PIAS4: variants seen among roughly 807,000 people sequenced by gnomAD.
PIAS4 encodes the protein protein inhibitor of activated STAT 4.
A neutral mutation model predicts 58.0 loss-of-function variants in PIAS4; 7 were observed. The ratio of observed to expected loss-of-function variants is 0.12; its 90% CI spans 0.07 to 0.23. The LOEUF (loss-of-function observed/expected upper bound fraction) is 0.23, where lower values mean the gene tolerates loss of function less well. PIAS4 is among the 10% of genes least tolerant of loss of function. The probability of loss-of-function intolerance (pLI) is 1.00; values close to 1 mark genes in which losing one functional copy is unlikely to be tolerated. For missense variants in PIAS4, 550 were observed against 709.5 expected, an observed-to-expected ratio of 0.78 and a Z score of 2.55; for synonymous variants, 364 against 312.4, an observed-to-expected ratio of 1.17 and a Z score of -1.74.
Position 4,013,421 on chromosome 19 carries a change from A to G in PIAS4, c.454+72A>G, listed in dbSNP as rs2040019421. Reference sequence around the variant, plus strand: ...CCCCGTCGCCCAGCCCAGCCCAGCCACACAGCCGACTTCGAGTGATGTTCT... The same window carrying G: ...CCCCGTCGCCCAGCCCAGCCCAGCCGCACAGCCGACTTCGAGTGATGTTCT... On this transcript the variant is annotated intron_variant, in intron 2 of 10. Coordinates refer to ENST00000262971, the MANE Select transcript of PIAS4 (RefSeq NM_015897.4). The surrounding 1 kb of genome is among the most constrained non-coding windows in gnomAD (Gnocchi z 5.1). 2 of 1,344,096 alleles carry G rather than the reference A, an allele frequency of 1.5e-6. No homozygotes were observed. Among genetic ancestry groups the G allele is most frequent in the Admixed American group, 1.9e-5 (1 of 53,444 alleles). 83.3% of individuals were successfully genotyped at this position (1,344,096 alleles called of 1,614,324 possible).
chr19:4,022,071 G>A (rs1418646011), intron 2 of PIAS4, among the ~76,000 whole-genome samples: 3 of 152,036 alleles, frequency 2.0e-5, no homozygotes, highest in African/African-American at 4.8e-5. Context: ...TTCAGAAAAG[G>A]TTTTAATTAT....
chr19:4,030,234 A>C (rs746577759), intron 7 of PIAS4, among the ~76,000 whole-genome samples: 1 of 143,876 alleles, frequency 7.0e-6, no homozygotes, highest in Non-Finnish European at 1.6e-5. Context: ...AAGTGCTGGG[A>C]TTACAGTCTT....
intron 7 of PIAS4, among the ~76,000 whole-genome samples, chr19:4,029,516 C>T (rs930040719): frequency 1.3e-4 from 19 of 151,760 alleles, no homozygotes; most frequent in African/African-American, 3.6e-4. Context: ...TCTGACCTCA[C>T]GTTGGTGAGG....
rs570081588 is a variant in PIAS4, at chr19:4,036,415, A to G, written c.1143-959A>G. On this transcript the variant is annotated intron_variant, in intron 9 of 10. Transcript: ENST00000262971. ...GTCTATACAGTCCACACTGTCACAC[A>G]TCCGTACAGTCCACACTGTCATACA... Among the ~76,000 whole-genome samples the G allele has an allele frequency of 3.2e-4, 45 of 141,072 alleles. 4 individuals are homozygous for G. The highest frequency in any genetic ancestry group is 2.1e-3 in the South Asian group (9 of 4,272). The allele number at this position is 141,072 out of a possible 152,430, so 92.5% of individuals were successfully genotyped here.
In PIAS4 at chr19:4,038,158, G is replaced by A. The variant is rs1389098427; in HGVS notation, c.*283G>A. ...CACCCACACAGCCGCCTCCCCGGCT[G>A]GAGTCCGAGCCGGGAAGGGGTAGTG... On this transcript the variant is annotated 3_prime_UTR_variant, in exon 11 of 11. Transcript: ENST00000262971. This position sits in a 1 kb window ranked among gnomAD's most constrained non-coding sequence, Gnocchi z 4.1. The A allele has an allele frequency of 1.8e-5, 7 of 387,882 alleles. No homozygotes were observed. Among genetic ancestry groups the A allele is most frequent in the Admixed American group, 9.3e-5 (2 of 21,542 alleles). The allele number at this position is 387,882 out of a possible 1,614,324, so 24.0% of individuals were successfully genotyped here.
In PIAS4 at chr19:4,037,730, C is replaced by T. The variant is rs1180472271; in HGVS notation, c.1388C>T (p.Ala463Val). The T allele has an allele frequency of 1.2e-6, 2 of 1,611,234 alleles. No individual in the cohort carries two copies. Among genetic ancestry groups the T allele is most frequent in the Admixed American group, 1.7e-5 (1 of 59,802 alleles). ...AGCATGGAGAATGGGAAGCCGGGCG[C>T]CGATGTGGTGGACCTCACGCTGGAC... ...VGSMENGKPG[A>V]DVVDLTLDSS... Residue 463 changes from alanine to valine, a missense_variant, in exon 11 of 11, where the codon GCC becomes GTC. Coordinates refer to ENST00000262971, the MANE Select transcript of PIAS4 (RefSeq NM_015897.4). The surrounding 1 kb of genome is among the most constrained non-coding windows in gnomAD (Gnocchi z 5.8).
intron 1 of PIAS4, among the ~76,000 whole-genome samples, chr19:4,010,895 G>A (rs1357680273): frequency 6.6e-6 from 1 of 152,348 alleles, no homozygotes. Flanking sequence ...GGGCTGGGCC[G>A]CCTGCACGTG....
chr19:4,015,359 C>T (rs1386555473), intron 2 of PIAS4, among the ~76,000 whole-genome samples: 1 of 152,128 alleles, frequency 6.6e-6, no homozygotes, highest in East Asian at 1.9e-4. Context: ...ATCGCTGTGC[C>T]CTGAGCCACC....
intron 3 of PIAS4, among the ~76,000 whole-genome samples, chr19:4,024,596 C>T (rs967427258): frequency 6.6e-6 from 1 of 152,200 alleles, no homozygotes; most frequent in African/African-American, 2.4e-5. Flanking sequence ...GATCCTCTGC[C>T]CTGCTGAGGT....
chr19:4,018,954 C>T (rs1279939358), intron 2 of PIAS4, among the ~76,000 whole-genome samples: 3 of 151,998 alleles, frequency 2.0e-5, no homozygotes, highest in Non-Finnish European at 2.9e-5. Flanking sequence ...GTGTGTGCGC[C>T]GGGGTGTGTG....
chr19:4,029,811 A>ATT (rs1172132330), intron 7 of PIAS4, among the ~76,000 whole-genome samples: 10 of 55,040 alleles, frequency 1.8e-4, no homozygotes, highest in African/African-American at 2.1e-4. Context: ...CACCCAACTA[A>ATT]TTTTTTTTTT....
chr19:4,028,388 C>G (rs902633299), intron 4 of PIAS4, 122 bp from the exon 5 acceptor site: 1 of 826,726 alleles, frequency 1.2e-6, no homozygotes, highest in Non-Finnish European at 2.0e-6. Flanking sequence ...CCTGATACCC[C>G]CCGTGTCACA....
chr19:4,017,380 C>G (rs1038797836), intron 2 of PIAS4, among the ~76,000 whole-genome samples: 1 of 152,238 alleles, frequency 6.6e-6, no homozygotes, highest in Non-Finnish European at 1.5e-5. Flanking sequence ...TGGTCCCCCT[C>G]CCATGGCAGC....
At chr19:4,026,188 A>G (rs1297231151) in intron 3 of PIAS4, among the ~76,000 whole-genome samples, 1 of 141,546 alleles carries the variant, frequency 7.1e-6, no homozygotes, top group Non-Finnish European at 1.5e-5. Flanking sequence ...GCTGGAGTGC[A>G]GTGGCGTGAT....
At position 4,012,770 on chromosome 19, in the gene PIAS4, G is replaced by A. The variant is rs914432476; in HGVS notation, c.28-153G>A. Reference sequence around the variant, plus strand: ...CAGGGCTTTGCTGGGAGGGGGCACCGTAGGGGCAGGGCACTCCACCAGCCC... The same window carrying A: ...CAGGGCTTTGCTGGGAGGGGGCACCATAGGGGCAGGGCACTCCACCAGCCC... On this transcript the variant is annotated intron_variant, in intron 1 of 10. Transcript: ENST00000262971. 2.6e-5 allele frequency among the ~76,000 whole-genome samples: 4 copies of A among 152,142 alleles called. No individual in the cohort carries two copies. The East Asian group carries it at 5.8e-4, about 22-fold the overall frequency.
chr19:4,016,122 C>G (rs561189857), intron 2 of PIAS4, among the ~76,000 whole-genome samples: 1 of 152,370 alleles, frequency 6.6e-6, no homozygotes, highest in East Asian at 1.9e-4. Context: ...GAACCCTGTC[C>G]TGCCTGTCGG....
intron 7 of PIAS4, among the ~76,000 whole-genome samples, chr19:4,032,580 G>A (rs578135601): frequency 2.6e-5 from 4 of 152,320 alleles, no homozygotes; most frequent in South Asian, 4.1e-4. Context: ...GGCGGGCACC[G>A]TCTTTTCCTT....
chr19:4,033,039 C>A, intron 7 of PIAS4, 61 bp from the exon 8 acceptor site: 1 of 1,368,348 alleles, frequency 7.3e-7, no homozygotes, highest in South Asian at 1.2e-5. Flanking sequence ...GAACTCGAAT[C>A]ACAGCCCCGC....
intron 2 of PIAS4, among the ~76,000 whole-genome samples, chr19:4,015,876 C>T (rs889835556): frequency 1.5e-4 from 23 of 152,238 alleles, no homozygotes; most frequent in African/African-American, 4.8e-4. Flanking sequence ...CCATAAATCA[C>T]GCGGTGCGGA....
Sources: gnomAD v4.1 joint callset for allele counts (sites outside exome capture counted in the v4.1 genomes callset) on GRCh38, gnomAD v4.1.1 for gene constraint, Gnocchi (gnomAD v3.1) non-coding constraint, MANE v1.5 for transcripts, NCBI Gene and HGNC (gene_info 2026-07-23, HGNC 2026-07-21) for gene names.